The following ANKRD6 variants were observed in gnomAD, a reference collection of about 807,000 sequenced individuals.
The protein encoded by ANKRD6 is ankyrin repeat domain-containing protein 6.
Under a neutral mutation model 82.3 loss-of-function variants are expected in ANKRD6, and 56 were observed. That is an observed-to-expected ratio of 0.68 (90% confidence interval 0.55 to 0.85). ANKRD6 has a LOEUF of 0.85. Ranked by LOEUF, ANKRD6 falls within the 40% of genes least tolerant of loss-of-function variation. The pLI, the probability that ANKRD6 is intolerant of heterozygous loss-of-function variation, is 0.00. For synonymous variants in ANKRD6, 347 were observed against 352.1 expected (o/e 0.99, Z 0.16); for missense variants, 852 against 907.6 (o/e 0.94, Z 0.79).
intron 1 of ANKRD6, among the ~76,000 whole-genome samples, chr6:89,559,068 C>CT (rs1787029584): frequency 1.3e-5 from 2 of 152,142 alleles, no homozygotes; most frequent in African/African-American, 4.8e-5. Flanking sequence ...AAAAATATGA[C>CT]TAGCCACTCT....
chr6:89,605,215 C>T (rs1798230809), intron 4 of ANKRD6, among the ~76,000 whole-genome samples: 1 of 152,140 alleles, frequency 6.6e-6, no homozygotes, highest in Non-Finnish European at 1.5e-5. Context: ...AACCCTGTCT[C>T]TACTAAAAAT....
At chr6:89,533,742 G>GTGTA (rs1482360345) in intron 1 of ANKRD6, among the ~76,000 whole-genome samples, 1 of 151,460 alleles carries the variant, frequency 6.6e-6, no homozygotes, top group Non-Finnish European at 1.5e-5. Context: ...GTGTGTGTGT[G>GTGTA]TGTGTGTGTG....
At chr6:89,593,944 G>A (rs1220340581) in intron 2 of ANKRD6, among the ~76,000 whole-genome samples, 2 of 152,296 alleles carry the variant, frequency 1.3e-5, no homozygotes, top group African/African-American at 4.8e-5. Flanking sequence ...TGAAGCGAAT[G>A]GTCTTCTCTA....
chr6:89,536,094 G>A (rs1783792359), intron 1 of ANKRD6, among the ~76,000 whole-genome samples: 1 of 152,234 alleles, frequency 6.6e-6, no homozygotes, highest in African/African-American at 2.4e-5. Context: ...GCCGGGAATG[G>A]TGGCACATGC....
chr6:89,458,723 C>A (rs1264825094), intron 1 of ANKRD6, among the ~76,000 whole-genome samples: 1 of 152,206 alleles, frequency 6.6e-6, no homozygotes, highest in East Asian at 1.9e-4. Context: ...TCTGCCTCTT[C>A]CAGTCACTGA....
chr6:89,434,492 T>A (rs1303079611), intron 1 of ANKRD6, among the ~76,000 whole-genome samples: 1 of 152,206 alleles, frequency 6.6e-6, no homozygotes, highest in Admixed American at 6.5e-5. Flanking sequence ...GGGGTTTTTG[T>A]TGTTGTTGTT....
intron 3 of ANKRD6, among the ~76,000 whole-genome samples, chr6:89,596,639 T>C (rs371428630): frequency 6.6e-6 from 1 of 152,282 alleles, no homozygotes. Flanking sequence ...TCATTCAGGT[T>C]ATCTAGAGAT....
intron 1 of ANKRD6, among the ~76,000 whole-genome samples, chr6:89,551,527 A>G (rs769448249): frequency 8.5e-5 from 13 of 152,196 alleles, no homozygotes; most frequent in Non-Finnish European, 1.8e-4. Context: ...TTTCCCTACA[A>G]AGGACTCCCC....
intron 1 of ANKRD6, among the ~76,000 whole-genome samples, chr6:89,464,505 G>A (rs1774595677): frequency 6.6e-6 from 1 of 152,154 alleles, no homozygotes; most frequent in Admixed American, 6.5e-5. Flanking sequence ...TTGTTTGGAG[G>A]CTAGAGCAGG....
chr6:89,549,966 G>A (rs1405274499), intron 1 of ANKRD6, among the ~76,000 whole-genome samples: 2 of 152,070 alleles, frequency 1.3e-5, no homozygotes, highest in South Asian at 2.1e-4. Flanking sequence ...CTTGGTGGCA[G>A]GCCACTGTAG....
At chr6:89,585,314 C>G (rs1793459066) in intron 2 of ANKRD6, among the ~76,000 whole-genome samples, 1 of 152,158 alleles carries the variant, frequency 6.6e-6, no homozygotes, top group African/African-American at 2.4e-5. Flanking sequence ...GACAGGGTGT[C>G]TGCTCGTTCA....
At chr6:89,493,115 C>T (rs1778197803) in intron 1 of ANKRD6, among the ~76,000 whole-genome samples, 1 of 152,210 alleles carries the variant, frequency 6.6e-6, no homozygotes, top group South Asian at 2.1e-4. Context: ...CTTCAGTCCT[C>T]ACATCAGCTT....
intron 1 of ANKRD6, among the ~76,000 whole-genome samples, chr6:89,548,266 A>G (rs1279336257): frequency 6.6e-6 from 1 of 152,216 alleles, no homozygotes; most frequent in Non-Finnish European, 1.5e-5. Context: ...GACATTTCAT[A>G]TAAATAGAAG....
chr6:89,484,537 G>A (rs1777153093), intron 1 of ANKRD6, among the ~76,000 whole-genome samples: 2 of 152,268 alleles, frequency 1.3e-5, no homozygotes, highest in South Asian at 4.1e-4. Context: ...CAGAGATGGT[G>A]CTTTTAAAGA....
intron 1 of ANKRD6, among the ~76,000 whole-genome samples, chr6:89,543,678 C>T (rs1362439947): frequency 6.6e-6 from 1 of 152,180 alleles, no homozygotes; most frequent in Non-Finnish European, 1.5e-5. Flanking sequence ...CCTTCCTCAA[C>T]AAGACCTGTC....
intron 2 of ANKRD6, among the ~76,000 whole-genome samples, chr6:89,582,964 T>G (rs1199132718): frequency 6.6e-6 from 1 of 152,192 alleles, no homozygotes; most frequent in Non-Finnish European, 1.5e-5. Flanking sequence ...TCCACCTGAG[T>G]CAGCTGTCCT....
At chr6:89,502,337 A>C (rs188025212) in intron 1 of ANKRD6, among the ~76,000 whole-genome samples, 55 of 152,312 alleles carry the variant, frequency 3.6e-4, no homozygotes, top group Admixed American at 2.3e-3. Flanking sequence ...TCATTTGAAC[A>C]TTCCAAAGGT....
At chr6:89,478,140 C>T (rs891024258) in intron 1 of ANKRD6, 2 of 151,850 alleles carry the variant, frequency 1.3e-5, no homozygotes, top group East Asian at 2.0e-4. Flanking sequence ...GGAGGAAATT[C>T]GCTAGGCACG....
chr6:89,518,057 TC>T (rs1161379145), intron 1 of ANKRD6, among the ~76,000 whole-genome samples: 2 of 152,244 alleles, frequency 1.3e-5, no homozygotes, highest in African/African-American at 4.8e-5. Context: ...CTGACATGGT[TC>T]CTGTTTTCAT....
Sources: gnomAD v4.1 joint callset for allele counts (sites outside exome capture counted in the v4.1 genomes callset) on GRCh38, gnomAD v4.1.1 for gene constraint, MANE v1.5 for transcripts, NCBI Gene and HGNC (gene_info 2026-07-23, HGNC 2026-07-21) for gene names.